Variants in GCNT1 observed in about 807,000 individuals in gnomAD.
GCNT1 encodes the protein glucosaminyl (N-acetyl) transferase 1.
In GCNT1, 16 loss-of-function variants were observed where a neutral mutation model predicts 26.2. The ratio of observed to expected loss-of-function variants is 0.61; its 90% CI spans 0.41 to 0.93. The LOEUF is 0.93. Ranked by LOEUF, GCNT1 falls within the 40% of genes least tolerant of loss-of-function variation. GCNT1 has a pLI of 0.00. For synonymous variants in GCNT1, 183 were observed against 190.8 expected (o/e 0.96, Z 0.34); for missense variants, 477 against 526.7 (o/e 0.91, Z 0.92).
At chr9:76,394,272 G>T in the GCNT1 span, 1 of 1,220,236 alleles carries the variant, frequency 8.2e-7, no homozygotes, top group Non-Finnish European at 1.1e-6. Flanking sequence ...GGGGACAGGA[G>T]CGTGAGCTCT....
intron 2 of GCNT1, among the ~76,000 whole-genome samples, chr9:76,463,275 T>TA (rs143854775): frequency 0.12 from 17,648 of 152,140 alleles, 1,137 homozygotes; most frequent in Middle Eastern, 0.21. Flanking sequence ...GGCCCCTTGT[T>TA]AAAAAAATTA....
upstream of GCNT1, among the ~76,000 whole-genome samples, chr9:76,440,608 G>C (rs1823471135): frequency 2.0e-5 from 3 of 152,140 alleles, no homozygotes; most frequent in South Asian, 6.2e-4. Context: ...TGGTTGCTAG[G>C]ACCAAAACCC....
chr9:76,398,602 C>G, the GCNT1 span: 6 of 734,334 alleles, frequency 8.2e-6, no homozygotes, highest in Non-Finnish European at 1.4e-5. Flanking sequence ...TTTATCCACA[C>G]AAAAACCTAT....
chr9:76,430,502 C>T (rs1332061888), intron 1 of GCNT1, among the ~76,000 whole-genome samples: 1 of 151,992 alleles, frequency 6.6e-6, no homozygotes, highest in East Asian at 1.9e-4. Flanking sequence ...CCACCTCAGC[C>T]TCCTCAGTAA....
intron 2 of GCNT1, among the ~76,000 whole-genome samples, chr9:76,494,827 G>A (rs541000475): frequency 5.3e-4 from 81 of 152,224 alleles, no homozygotes; most frequent in African/African-American, 1.9e-3. Flanking sequence ...GGAGAGTTCC[G>A]CTCTTGGCTA....
chr9:76,433,024 G>A (rs576712167), intron 1 of GCNT1, among the ~76,000 whole-genome samples: 69 of 152,074 alleles, frequency 4.5e-4, no homozygotes, highest in African/African-American at 1.6e-3. Flanking sequence ...GAGACCACCC[G>A]ACCAAGTGGG....
At chr9:76,492,624 T>C (rs1048390115) in intron 2 of GCNT1, among the ~76,000 whole-genome samples, 2 of 150,072 alleles carry the variant, frequency 1.3e-5, no homozygotes, top group Non-Finnish European at 3.0e-5. Flanking sequence ...TGGCGGCTTC[T>C]GGCCCAGAGA....
chr9:76,394,736 G>GA, the GCNT1 span, among the ~76,000 whole-genome samples: 1 of 151,770 alleles, frequency 6.6e-6, no homozygotes, highest in Non-Finnish European at 1.5e-5. Flanking sequence ...AACAATTCTG[G>GA]TTTTTTTTTC....
chr9:76,446,311 G>GT (rs1823576784), intron 1 of GCNT1, among the ~76,000 whole-genome samples: 1 of 152,150 alleles, frequency 6.6e-6, no homozygotes, highest in Non-Finnish European at 1.5e-5. Context: ...GACAAGGAGA[G>GT]TTTTTGCAGA....
intron 2 of GCNT1, among the ~76,000 whole-genome samples, chr9:76,491,218 CCTCT>C (rs550530295): frequency 6.7e-6 from 1 of 149,322 alleles, no homozygotes; most frequent in Non-Finnish European, 1.5e-5. Context: ...TCTGTCTCTT[CCTCT>C]CTCTCTCTCT....
In GCNT1 at chr9:76,504,591, T is replaced by G. The variant is rs1471665178; in HGVS notation, c.*923T>G. Reference sequence around the variant, plus strand: ...GATACAGGTTTGAGGGGCTGGGGAGTGGGAGGGGGGAGAAAAGGAATGTAT... The same window carrying G: ...GATACAGGTTTGAGGGGCTGGGGAGGGGGAGGGGGGAGAAAAGGAATGTAT... On this transcript the variant is annotated 3_prime_UTR_variant, in exon 4 of 4. Transcript: ENST00000376730. The G allele has an allele frequency of 2.4e-6, 1 of 408,170 alleles. No individual in the cohort carries two copies. Among genetic ancestry groups the G allele is most frequent in the East Asian group, 3.6e-5 (1 of 27,912 alleles). 25.3% of individuals were successfully genotyped at this position (408,170 alleles called of 1,614,324 possible).
chr9:76,418,101 T>G (rs1170476976), upstream of GCNT1, among the ~76,000 whole-genome samples: 1 of 151,810 alleles, frequency 6.6e-6, no homozygotes, highest in Non-Finnish European at 1.5e-5. Flanking sequence ...AAGGTATACA[T>G]TGGTTCAGTC....
At chr9:76,489,074 A>G (rs931187635) in intron 2 of GCNT1, among the ~76,000 whole-genome samples, 1 of 152,174 alleles carries the variant, frequency 6.6e-6, no homozygotes, top group Non-Finnish European at 1.5e-5. Context: ...ACTTGAAAAC[A>G]GGGTTCAGCT....
At chr9:76,471,638 T>C (rs1469002779) in intron 2 of GCNT1, among the ~76,000 whole-genome samples, 1 of 151,980 alleles carries the variant, frequency 6.6e-6, no homozygotes, top group Non-Finnish European at 1.5e-5. Context: ...TAAAAAAACA[T>C]GTATAAGTGG....
chr9:76,476,564 CTGTT>C (rs1378029317), intron 2 of GCNT1, among the ~76,000 whole-genome samples: 1 of 151,808 alleles, frequency 6.6e-6, no homozygotes, highest in Admixed American at 6.6e-5. Context: ...AAAAAAAACA[CTGTT>C]TGTTTTCTGT....
At chr9:76,497,990 A>G (rs528819675) in intron 2 of GCNT1, among the ~76,000 whole-genome samples, 4 of 152,278 alleles carry the variant, frequency 2.6e-5, no homozygotes, top group African/African-American at 9.6e-5. Flanking sequence ...ATTCATTGCC[A>G]TTCCCCCATG....
intron 1 of GCNT1, among the ~76,000 whole-genome samples, chr9:76,428,302 A>AAAAAAAAG (rs1222053703): frequency 3.3e-5 from 5 of 149,330 alleles, no homozygotes; most frequent in African/African-American, 4.9e-5. Flanking sequence ...TAAAAAAAAA[A>AAAAAAAAG]AGAGAGAGAG....
At chr9:76,482,439 G>A (rs1824447312) in intron 2 of GCNT1, among the ~76,000 whole-genome samples, 1 of 150,672 alleles carries the variant, frequency 6.6e-6, no homozygotes, top group Non-Finnish European at 1.5e-5. Context: ...GGCTAACACG[G>A]TGAAACCCTG....
At chr9:76,480,388 GA>G (rs1219941234) in intron 2 of GCNT1, among the ~76,000 whole-genome samples, 1 of 151,984 alleles carries the variant, frequency 6.6e-6, no homozygotes, top group Non-Finnish European at 1.5e-5. Flanking sequence ...CCAATTCTGT[GA>G]AAAAAAGTCA....
Sources: gnomAD v4.1 joint callset for allele counts (sites outside exome capture counted in the v4.1 genomes callset) on GRCh38, gnomAD v4.1.1 for gene constraint, MANE v1.5 for transcripts, NCBI Gene and HGNC (gene_info 2026-07-23, HGNC 2026-07-21) for gene names.